Variants in DCAF6 observed in about 807,000 individuals in gnomAD.
DCAF6 encodes DDB1- and CUL4-associated factor 6.
In DCAF6, 54 loss-of-function variants were observed where a neutral mutation model predicts 125.1. The observed-to-expected ratio is 0.43, with a 90% confidence interval of 0.35 to 0.54. The LOEUF is 0.54. DCAF6 is among the 20% of genes least tolerant of loss of function. DCAF6 has a pLI of 0.01. For synonymous variants in DCAF6, 371 were observed against 390.4 expected, an observed-to-expected ratio of 0.95 and a Z score of 0.58; for missense variants, 934 against 1,161.7, an observed-to-expected ratio of 0.80 and a Z score of 2.85.
intron 10 of DCAF6, among the ~76,000 whole-genome samples, chr1:168,010,645 G>T (rs1156712928): frequency 6.6e-6 from 1 of 151,894 alleles, no homozygotes; most frequent in Non-Finnish European, 1.5e-5. Flanking sequence ...TTTAAAATGT[G>T]ATTATAAAAT....
At chr1:167,953,758 C>T (rs1159213234) in intron 2 of DCAF6, among the ~76,000 whole-genome samples, 1 of 152,084 alleles carries the variant, frequency 6.6e-6, no homozygotes, top group Admixed American at 6.6e-5. Context: ...ACCACCACAC[C>T]TGGCTAATTT....
At chr1:167,904,670 G>A in the DCAF6 span, 1 of 590,092 alleles carries the variant, frequency 1.7e-6, no homozygotes. Flanking sequence ...CATTTCCTGA[G>A]GTCAATTTTG....
chr1:167,946,003 C>A (rs1673024692), intron 1 of DCAF6, among the ~76,000 whole-genome samples: 1 of 138,784 alleles, frequency 7.2e-6, no homozygotes, highest in Non-Finnish European at 1.5e-5. Flanking sequence ...GTTGCCCAGG[C>A]TGGAGTGCAA....
chr1:167,991,395 T>C, intron 6 of DCAF6, 56 bp downstream of exon 6: 1 of 1,455,792 alleles, frequency 6.9e-7, no homozygotes, highest in Non-Finnish European at 9.2e-7. Context: ...AGTAAATCTC[T>C]ATGACATTTT....
upstream of DCAF6, among the ~76,000 whole-genome samples, chr1:167,932,961 C>A (rs373573581): frequency 3.3e-5 from 5 of 151,926 alleles, no homozygotes; most frequent in Non-Finnish European, 5.9e-5. Flanking sequence ...GGGGATAATG[C>A]GGGGACTGAC....
At position 167,965,597 on chromosome 1, in the gene DCAF6, A is replaced by G. The variant is rs75532563; in HGVS notation, c.160-1032A>G. 2.4e-4 allele frequency among the ~76,000 whole-genome samples: 36 copies of G among 152,208 alleles called. No homozygotes were observed. In the East Asian group the frequency reaches 6.0e-3, roughly 25 times the overall value. ...ATCAAATCACAAAAACACCCTCTGC[A>G]CCATACCCCCACCGCATGACTGGGT... is the stretch of plus-strand genomic sequence containing the variant. On this transcript the variant is annotated intron_variant, in intron 2 of 21. Transcript: ENST00000367840.
At chr1:167,874,929 G>T in the DCAF6 span, among the ~76,000 whole-genome samples, 1 of 152,116 alleles carries the variant, frequency 6.6e-6, no homozygotes, top group South Asian at 2.1e-4. Flanking sequence ...ATAAGTAATC[G>T]AGGGTGTTAG....
At chr1:167,963,469 C>T (rs1236932556) in intron 2 of DCAF6, among the ~76,000 whole-genome samples, 1 of 140,374 alleles carries the variant, frequency 7.1e-6, no homozygotes, top group Non-Finnish European at 1.5e-5. Flanking sequence ...GAGATGGAGT[C>T]TCACTCTGCC....
At chr1:167,989,070 ACT>A (rs1680438989) in intron 5 of DCAF6, among the ~76,000 whole-genome samples, 1 of 151,458 alleles carries the variant, frequency 6.6e-6, no homozygotes, top group African/African-American at 2.4e-5. Context: ...ACACTGCGAG[ACT>A]CCATCTCAAA....
intron 11 of DCAF6, among the ~76,000 whole-genome samples, chr1:168,022,389 T>C (rs187422904): frequency 5.1e-4 from 77 of 152,344 alleles, no homozygotes; most frequent in African/African-American, 1.8e-3. Flanking sequence ...CTAAAGAAAC[T>C]TGAGCCTTTA....
intron 2 of DCAF6, among the ~76,000 whole-genome samples, chr1:167,956,496 C>T (rs1002968056): frequency 6.6e-6 from 1 of 152,002 alleles, no homozygotes; most frequent in Non-Finnish European, 1.5e-5. Flanking sequence ...ATTTTGTCTT[C>T]TCCAAGAACC....
rs765758219 is a variant in DCAF6 at position 168,004,026 on chromosome 1, G to A, written c.1117+37G>A. The A allele has an allele frequency of 7.5e-6, 12 of 1,594,956 alleles. No individual in the cohort carries two copies. The African/African-American group carries it at 1.4e-4, about 18-fold the overall frequency. ...TGTTAATTAAAGTCATCAGAAAGCT[G>A]GCAAAAACTACTTATTGAAGCCAGT... On this transcript the variant is annotated intron_variant, in intron 9 of 21. Coordinates refer to ENST00000367840, the MANE Select transcript of DCAF6 (RefSeq NM_001198956.2).
chr1:167,975,768 G>C (rs1189214947), intron 4 of DCAF6, among the ~76,000 whole-genome samples: 2 of 152,086 alleles, frequency 1.3e-5, no homozygotes, highest in African/African-American at 2.4e-5. Context: ...GCCAGGGCTG[G>C]TCTCCAACTC....
At chr1:167,938,806 TAAAATA>T (rs1166969071) in intron 1 of DCAF6, among the ~76,000 whole-genome samples, 1 of 152,146 alleles carries the variant, frequency 6.6e-6, no homozygotes, top group Non-Finnish European at 1.5e-5. Context: ...ACGAGTTAAT[TAAAATA>T]TAACAAAACC....
chr1:168,007,235 C>T (rs1268056427), intron 10 of DCAF6, among the ~76,000 whole-genome samples: 1 of 152,194 alleles, frequency 6.6e-6, no homozygotes, highest in Non-Finnish European at 1.5e-5. Flanking sequence ...TATCCCTTTC[C>T]AGCTTCTCAA....
chr1:168,073,905 T>G (rs1009332687), intron 21 of DCAF6, among the ~76,000 whole-genome samples: 1 of 150,688 alleles, frequency 6.6e-6, no homozygotes, highest in African/African-American at 2.4e-5. Flanking sequence ...TTTAAATTCC[T>G]TACTGATCTA....
At chr1:167,964,116 C>T (rs1213733295) in intron 2 of DCAF6, among the ~76,000 whole-genome samples, 1 of 152,148 alleles carries the variant, frequency 6.6e-6, no homozygotes, top group Non-Finnish European at 1.5e-5. Flanking sequence ...TGTGTTTTAT[C>T]TTCACTTATT....
At chr1:167,935,182 A>T (rs1489351890), upstream of DCAF6, among the ~76,000 whole-genome samples, 1 of 152,188 alleles carries the variant, frequency 6.6e-6, no homozygotes, top group Non-Finnish European at 1.5e-5. Context: ...ATAAGGATAG[A>T]CTTAAAAAAA....
intron 11 of DCAF6, among the ~76,000 whole-genome samples, chr1:168,021,670 A>G (rs1005612128): frequency 2.0e-5 from 3 of 152,196 alleles, no homozygotes; most frequent in African/African-American, 4.8e-5. Context: ...AAAATCTAGT[A>G]AGAGAAAAAT....
Sources: allele counts gnomAD v4.1 joint callset (sites outside exome capture counted in the v4.1 genomes callset), GRCh38; gene constraint gnomAD v4.1.1; transcripts MANE v1.5; gene names NCBI Gene and HGNC (gene_info 2026-07-23, HGNC 2026-07-21).